Variants in CELSR1 observed in about 807,000 individuals in gnomAD.
CELSR1 encodes the protein cadherin EGF LAG seven-pass G-type receptor 1.
CELSR1 carries 110 observed loss-of-function variants against 249.1 expected under a neutral mutation model. That is an observed-to-expected ratio of 0.44 (90% confidence interval 0.38 to 0.52). The LOEUF (loss-of-function observed/expected upper bound fraction) is 0.52, where lower values mean the gene tolerates loss of function less well. Among genes scored for constraint, CELSR1 ranks in the 20% least tolerant of loss-of-function variants. The pLI is 0.00. For synonymous variants in CELSR1, 2,113 were observed against 1,900.0 expected, an observed-to-expected ratio of 1.11 and a Z score of -2.92; for missense variants, 4,109 against 4,296.4, an observed-to-expected ratio of 0.96 and a Z score of 1.22.
chr22:46,361,893 A>G lies in CELSR1; in HGVS notation c.*1330T>C, dbSNP rs1050528721. 10 of 152,266 alleles carry G rather than the reference A, an allele frequency of 6.6e-5. No individual in the cohort carries two copies. Among genetic ancestry groups the G allele is most frequent in the African/African-American group, 2.4e-4 (10 of 41,466 alleles). 9.4% of individuals were successfully genotyped at this position (152,266 alleles called of 1,614,324 possible). ...GACCCGTTCCACAGCCCCTCGGGCC[A>G]CGCTGTGCCAGCTGCCTGCAGTGGG... On this transcript the variant is annotated 3_prime_UTR_variant, in exon 35 of 35. Transcript: ENST00000674500.
intron 1 of CELSR1, among the ~76,000 whole-genome samples, chr22:46,501,158 C>A (rs985326960): frequency 7.9e-5 from 12 of 151,230 alleles, no homozygotes; most frequent in Non-Finnish European, 1.6e-4. Context: ...CTCAGCCTCC[C>A]AGTAACTGGG....
intron 14 of CELSR1, among the ~76,000 whole-genome samples, chr22:46,392,450 C>T (rs2079103979): frequency 6.6e-6 from 1 of 152,266 alleles, no homozygotes; most frequent in African/African-American, 2.4e-5. Context: ...TGTAAAATGA[C>T]AGTGAACGAC....
chr22:46,530,155 A>G (rs1569222004), intron 1 of CELSR1, among the ~76,000 whole-genome samples: 1 of 149,260 alleles, frequency 6.7e-6, no homozygotes, highest in Non-Finnish European at 1.5e-5. Flanking sequence ...ATTACAAATA[A>G]TTAAAAAAAA....
rs2079353277 is a variant in CELSR1, at chr22:46,412,769, C to T, written c.4612-1010G>A. On this transcript the variant is annotated intron_variant, in intron 5 of 34. Transcript: ENST00000674500. The surrounding 1 kb of genome is among the most constrained non-coding windows in gnomAD (Gnocchi z 4.5). ...ATCCATGCTGGCCACGGAACTTAAG[C>T]ATGTGGGTCTCAAAGTTCCAGAAAC... is the stretch of plus-strand genomic sequence containing the variant. 1.3e-5 allele frequency among the ~76,000 whole-genome samples: 2 copies of T among 152,218 alleles called. No individual in the cohort carries two copies. Among genetic ancestry groups the T allele is most frequent in the African/African-American group, 4.8e-5 (2 of 41,454 alleles).
chr22:46,496,641 C>G (rs1382578338), intron 1 of CELSR1, among the ~76,000 whole-genome samples: 1 of 146,572 alleles, frequency 6.8e-6, no homozygotes, highest in Non-Finnish European at 1.5e-5. Flanking sequence ...TTTTTTTTTA[C>G]TTTGTGTTAA....
chr22:46,498,366 C>G (rs1051698086), intron 1 of CELSR1, among the ~76,000 whole-genome samples: 2 of 145,402 alleles, frequency 1.4e-5, no homozygotes, highest in Admixed American at 1.4e-4. Context: ...TCCCAGCACT[C>G]TGGGAGGCCA....
intron 2 of CELSR1, among the ~76,000 whole-genome samples, chr22:46,450,886 C>T (rs1202098244): frequency 6.6e-6 from 1 of 152,210 alleles, no homozygotes; most frequent in African/African-American, 2.4e-5. Context: ...AGGAGCATTC[C>T]CCAGCACTAA....
intron 1 of CELSR1, among the ~76,000 whole-genome samples, chr22:46,467,322 G>A (rs766109834): frequency 7.9e-5 from 12 of 152,012 alleles, no homozygotes; most frequent in Non-Finnish European, 1.3e-4. Flanking sequence ...ACACACCAAA[G>A]ACAAAGAAAC....
Position 46,397,828 on chromosome 22 carries a change from C to T in CELSR1, c.5547G>A (p.Thr1849=), listed in dbSNP as rs61741875. 6.3e-6 allele frequency: 10 copies of T among 1,581,184 alleles called. No individual in the cohort carries two copies. Among genetic ancestry groups the T allele is most frequent in the African/African-American group, 4.1e-5 (3 of 74,000 alleles). The change falls in exon 12 of 35, where the codon ACG becomes ACA. Residue 1849 remains threonine (T), a synonymous_variant. Transcript: ENST00000674500. ...GCMQGVRMGG[T]PTNVATLNMN... ...TGTTCAGGGTGGCGACGTTGGTGGG[C>T]GTCCCCCCCATCCTCACTCCCTGCA...
chr22:46,431,946 A>C (rs1002584846), intron 5 of CELSR1, among the ~76,000 whole-genome samples: 50 of 152,320 alleles, frequency 3.3e-4, no homozygotes, highest in African/African-American at 1.2e-3. Context: ...AATGTGCGGC[A>C]GCCCAGACCC....
intron 1 of CELSR1, among the ~76,000 whole-genome samples, chr22:46,475,377 C>T (rs1273852521): frequency 2.6e-5 from 4 of 152,080 alleles, no homozygotes; most frequent in Non-Finnish European, 5.9e-5. Flanking sequence ...CACAAAAGGA[C>T]AAATACTGTC....
At chr22:46,507,158 C>A (rs532341504) in intron 1 of CELSR1, among the ~76,000 whole-genome samples, 1 of 152,264 alleles carries the variant, frequency 6.6e-6, no homozygotes, top group East Asian at 1.9e-4. Context: ...TGCACTCCAG[C>A]CTGGGCGACA....
Position 46,369,746 on chromosome 22 carries a change from C to T in CELSR1, c.7818G>A (p.Ser2606=), listed in dbSNP as rs750519293. 3.2e-5 allele frequency: 52 copies of T among 1,613,262 alleles called. No homozygotes were observed. The highest frequency in any genetic ancestry group is 2.5e-4 in the South Asian group (23 of 91,080). The change falls in exon 26 of 35, where the codon TCG becomes TCA. Residue 2606 remains serine, a synonymous_variant. Coordinates refer to ENST00000674500, the MANE Select transcript of CELSR1 (RefSeq NM_001378328.1). ...AGCTCCAAATCAGGGTGTCTTGAAG[C>T]GACAGCCAGCAGAAGTCGGGGTTCC... ...GYGNPDFCWL[S]LQDTLIWSFA... is the part of the protein sequence containing the mutation.
chr22:46,363,097 A>G lies in CELSR1; in HGVS notation c.*126T>C. ...ATGGGGACCGCCACACTCTGGGCCCACTCCACTTCAAGGGCAGTGGCCCCT... is the reference window on the plus strand; with the variant it reads ...ATGGGGACCGCCACACTCTGGGCCCGCTCCACTTCAAGGGCAGTGGCCCCT... On this transcript the variant is annotated 3_prime_UTR_variant, in exon 35 of 35. Coordinates refer to ENST00000674500, the MANE Select transcript of CELSR1 (RefSeq NM_001378328.1). The surrounding 1 kb of genome is among the most constrained non-coding windows in gnomAD (Gnocchi z 4.3). 1 of 1,601,154 alleles carries G rather than the reference A, an allele frequency of 6.2e-7. No individual in the cohort carries two copies. The highest frequency in any genetic ancestry group is 1.1e-5 in the South Asian group (1 of 90,800).
chr22:46,369,490 C>T (rs564918140), intron 26 of CELSR1, among the ~76,000 whole-genome samples: 6 of 152,334 alleles, frequency 3.9e-5, no homozygotes, highest in East Asian at 3.9e-4. Flanking sequence ...TGGTCTCATG[C>T]GGACACGACG....
intron 24 of CELSR1, among the ~76,000 whole-genome samples, chr22:46,375,075 T>TGA (rs1415914317): frequency 6.6e-6 from 1 of 152,072 alleles, no homozygotes; most frequent in Non-Finnish European, 1.5e-5. Context: ...CCTTCCCTCT[T>TGA]GAGGTAAGAG....
intron 1 of CELSR1, among the ~76,000 whole-genome samples, chr22:46,521,117 A>G (rs1179387129): frequency 6.6e-6 from 1 of 152,198 alleles, no homozygotes; most frequent in Non-Finnish European, 1.5e-5. Flanking sequence ...TTGCTTATCC[A>G]TTCGTCTGTT....
Position 46,436,970 on chromosome 22 carries a change from G to T in CELSR1, c.4407-681C>A, listed in dbSNP as rs1009818564. ...CTGAAATCATGCTGCTGACTCATTG[G>T]TTTATAAGAATGTATGATCCATAAG... On this transcript the variant is annotated intron_variant, in intron 3 of 34. Transcript: ENST00000674500. The surrounding 1 kb of genome is among the most constrained non-coding windows in gnomAD (Gnocchi z 5.9). Among the ~76,000 whole-genome samples the T allele has an allele frequency of 2.0e-5, 3 of 152,110 alleles. No individual in the cohort carries two copies. Among genetic ancestry groups the T allele is most frequent in the African/African-American group, 7.2e-5 (3 of 41,410 alleles).
rs930629550 is a variant in CELSR1 at position 46,490,493 on chromosome 22, G to A, written c.3545-26148C>T. ...GTAGAGACGGGGTTTCACCATGTTG[G>A]TCAGGCTGGTCTCGAACTCCTGACC... On this transcript the variant is annotated intron_variant, in intron 1 of 34. Transcript: ENST00000674500. The surrounding 1 kb of genome is among the most constrained non-coding windows in gnomAD (Gnocchi z 5.2). Among the ~76,000 whole-genome samples the A allele has an allele frequency of 6.6e-6, 1 of 151,960 alleles. No homozygotes were observed. The highest frequency in any genetic ancestry group is 6.6e-5 in the Admixed American group (1 of 15,266).
Sources: allele counts gnomAD v4.1 joint callset (sites outside exome capture counted in the v4.1 genomes callset), GRCh38; gene constraint gnomAD v4.1.1; non-coding constraint Gnocchi (gnomAD v3.1); transcripts MANE v1.5; gene names NCBI Gene and HGNC (gene_info 2026-07-23, HGNC 2026-07-21).